Variants in MMD2 observed in about 807,000 individuals in gnomAD.
MMD2 encodes monocyte to macrophage differentiation factor 2.
A neutral mutation model predicts 33.5 loss-of-function variants in MMD2; 30 were observed. The observed-to-expected ratio is 0.90, with a 90% CI of 0.67 to 1.22. MMD2 has a LOEUF of 1.22. Ranked by LOEUF, MMD2 falls within the 50% of genes most tolerant of loss-of-function variation. The pLI, the probability that MMD2 is intolerant of heterozygous loss-of-function variation, is 0.00. For synonymous variants in MMD2, 129 were observed against 123.0 expected, an observed-to-expected ratio of 1.05 and a Z score of -0.32; for missense variants, 364 against 325.4, an observed-to-expected ratio of 1.12 and a Z score of -0.91.
intron 1 of MMD2, among the ~76,000 whole-genome samples, chr7:4,933,597 A>G (rs926286660): frequency 6.6e-6 from 1 of 151,836 alleles, no homozygotes; most frequent in Admixed American, 6.6e-5. Context: ...TTGCATGGAC[A>G]TACCAGAGTT....
At chr7:4,931,000 G>C (rs1019978981) in intron 1 of MMD2, among the ~76,000 whole-genome samples, 2 of 151,954 alleles carry the variant, frequency 1.3e-5, no homozygotes, top group Non-Finnish European at 2.9e-5. Context: ...ACAGGCGCCC[G>C]CCACCAGGCC....
intron 1 of MMD2, among the ~76,000 whole-genome samples, chr7:4,945,246 C>CTTCTTTT (rs1562493963): frequency 4.4e-5 from 1 of 22,892 alleles, no homozygotes; most frequent in Non-Finnish European, 9.5e-5. Context: ...CTTCCTCTCT[C>CTTCTTTT]TCTTTCTTTC....
In MMD2 at chr7:4,940,206, G is replaced by A. The variant is rs980726550; in HGVS notation, c.48-14674C>T. Among the ~76,000 whole-genome samples the A allele has an allele frequency of 6.6e-5, 10 of 152,164 alleles. No individual in the cohort carries two copies. Among genetic ancestry groups the A allele is most frequent in the Admixed American group, 3.9e-4 (6 of 15,262 alleles). The stretch of plus-strand genomic sequence containing the variant: ...GCATCCTGACCTGGGTGCAGGGTCC[G>A]GCACACCCCAGCTCCCCCGGCTCGC... On this transcript the variant is annotated intron_variant, in intron 1 of 6. Coordinates refer to ENST00000401401, the MANE Select transcript of MMD2 (RefSeq NM_198403.4). This position sits in a 1 kb window ranked among gnomAD's most constrained non-coding sequence, Gnocchi z 5.0.
At chr7:4,949,168 C>G (rs543472055) in intron 1 of MMD2, among the ~76,000 whole-genome samples, 1 of 152,274 alleles carries the variant, frequency 6.6e-6, no homozygotes, top group East Asian at 1.9e-4. Context: ...CGAGATCACA[C>G]AGCTGTACTC....
rs1279602030 is a variant in MMD2 at position 4,940,488 on chromosome 7, T to A, written c.48-14956A>T. On this transcript the variant is annotated intron_variant, in intron 1 of 6. Transcript: ENST00000401401. This position sits in a 1 kb window ranked among gnomAD's most constrained non-coding sequence, Gnocchi z 5.0. Reference sequence around the variant, plus strand: ...TGCCCGGGCTCCTACACAAAGGGGGTTCTGTCCGTCTGTCCCACAGAGGCA... The same window carrying A: ...TGCCCGGGCTCCTACACAAAGGGGGATCTGTCCGTCTGTCCCACAGAGGCA... Among the ~76,000 whole-genome samples, 1 of 151,968 alleles carries A rather than the reference T, an allele frequency of 6.6e-6. No homozygotes were observed. Among genetic ancestry groups the A allele is most frequent in the Non-Finnish European group, 1.5e-5 (1 of 67,986 alleles).
intron 1 of MMD2, among the ~76,000 whole-genome samples, chr7:4,952,987 TTTTG>T (rs1266761015): frequency 6.7e-6 from 1 of 149,378 alleles, no homozygotes; most frequent in African/African-American, 2.5e-5. Flanking sequence ...TTTTTTTGTT[TTTTG>T]TTTGTTTTTT....
At chr7:4,941,900 A>C (rs1785922282) in intron 1 of MMD2, among the ~76,000 whole-genome samples, 1 of 151,516 alleles carries the variant, frequency 6.6e-6, no homozygotes, top group Non-Finnish European at 1.5e-5. Flanking sequence ...GCCAAAGGAC[A>C]CTTTAAAGAT....
chr7:4,936,417 G>GC (rs1785743144), intron 1 of MMD2, among the ~76,000 whole-genome samples: 2 of 152,038 alleles, frequency 1.3e-5, no homozygotes, highest in African/African-American at 2.4e-5. Flanking sequence ...AGAAGACTTT[G>GC]CCCCCCTCCC....
Position 4,913,440 on chromosome 7 carries a change from G to A in MMD2, c.366-2194C>T, listed in dbSNP as rs565192513. Among the ~76,000 whole-genome samples, 4 of 152,222 alleles carry A rather than the reference G, an allele frequency of 2.6e-5. No homozygotes were observed. The South Asian group carries it at 8.3e-4, about 32-fold the overall frequency. ...CACAAGAAAACTGGATTTTCTGCCT[G>A]GCGCAGTGTCTCACGCCTGTAATCC... On this transcript the variant is annotated intron_variant, in intron 4 of 6. Coordinates refer to ENST00000401401, the MANE Select transcript of MMD2 (RefSeq NM_198403.4).
chr7:4,920,178 G>C lies in MMD2; in HGVS notation c.283C>G (p.His95Asp). ...VFHTISWKKS[H>D]LRMVEHCLHM... ...CCTCTGGGCGGGAGGCACCTGAGGT[G>C]GCTCTTCTTCCAGGAGATGGTGTGA... Residue 95 changes from histidine to aspartate, a missense_variant, in exon 3 of 7, where the codon CAC becomes GAC. His to Asp is a moderately conservative substitution (Grantham distance 81). Transcript: ENST00000401401. 1 of 1,561,320 alleles carries C rather than the reference G, an allele frequency of 6.4e-7. No homozygotes were observed.
chr7:4,938,829 C>G (rs756835799), intron 1 of MMD2, among the ~76,000 whole-genome samples: 1 of 152,050 alleles, frequency 6.6e-6, no homozygotes, highest in Non-Finnish European at 1.5e-5. Flanking sequence ...TTTTAAAATC[C>G]TATCAAATAA....
rs566306357 is a variant in MMD2, at chr7:4,941,156, G to T, written c.48-15624C>A. On this transcript the variant is annotated intron_variant, in intron 1 of 6. Transcript: ENST00000401401. Reference sequence around the variant, plus strand: ...CTCCTGGGTCGGCCTCTGTGAACATGCCACAGACACCAGCCCTAACCATCA... The same window carrying T: ...CTCCTGGGTCGGCCTCTGTGAACATTCCACAGACACCAGCCCTAACCATCA... 2.0e-5 allele frequency among the ~76,000 whole-genome samples: 3 copies of T among 152,274 alleles called. No individual in the cohort carries two copies. In the South Asian group the frequency reaches 6.2e-4, roughly 32 times the overall value.
In MMD2 at chr7:4,958,898, A is replaced by T. The variant is rs887869319; in HGVS notation, c.47+73T>A. 1.2e-5 allele frequency: 15 copies of T among 1,229,650 alleles called. No homozygotes were observed. In the African/African-American group the frequency reaches 2.4e-4, roughly 19 times the overall value. 76.2% of individuals were successfully genotyped at this position (1,229,650 alleles called of 1,614,324 possible). On this transcript the variant is annotated intron_variant, in intron 1 of 6. Transcript: ENST00000401401. Reference sequence around the variant, plus strand: ...TCCGGGCGGCGGGGCCCGAGAACCAAGGTGGCCTCCGCGGCCCCCGCCGCC... The same window carrying T: ...TCCGGGCGGCGGGGCCCGAGAACCATGGTGGCCTCCGCGGCCCCCGCCGCC...
At chr7:4,915,601 G>T (rs901070516) in intron 4 of MMD2, among the ~76,000 whole-genome samples, 1 of 151,678 alleles carries the variant, frequency 6.6e-6, no homozygotes, top group Non-Finnish European at 1.5e-5. Context: ...TTAGCTGGGC[G>T]TGGTGGCGCG....
At chr7:4,912,851 G>A (rs1157586299) in intron 4 of MMD2, among the ~76,000 whole-genome samples, 2 of 151,878 alleles carry the variant, frequency 1.3e-5, no homozygotes, top group African/African-American at 2.4e-5. Flanking sequence ...GATTACAGGC[G>A]TACCACCATG....
intron 1 of MMD2, among the ~76,000 whole-genome samples, chr7:4,948,882 G>A (rs971860996): frequency 6.6e-5 from 10 of 151,940 alleles, no homozygotes; most frequent in South Asian, 2.1e-4. Flanking sequence ...GCACAGTCAC[G>A]GCTCACACAG....
At chr7:4,926,114 C>T (rs6955307) in intron 1 of MMD2, among the ~76,000 whole-genome samples, 79,384 of 149,822 alleles carry the variant, frequency 0.53, 21,627 homozygotes, top group African/African-American at 0.68. Context: ...CTTTTTTTTT[C>T]TTACACGGGG....
At chr7:4,930,084 A>G (rs1785535427) in intron 1 of MMD2, among the ~76,000 whole-genome samples, 1 of 150,998 alleles carries the variant, frequency 6.6e-6, no homozygotes, top group South Asian at 2.1e-4. Context: ...CCTGGCTAAC[A>G]CAGTGAAACC....
At chr7:4,919,865 C>A (rs1785230470) in intron 3 of MMD2, among the ~76,000 whole-genome samples, 1 of 152,204 alleles carries the variant, frequency 6.6e-6, no homozygotes, top group Admixed American at 6.5e-5. Flanking sequence ...CACTGCACTC[C>A]TGCCTGGGCT....
Sources: gnomAD v4.1 joint callset for allele counts (sites outside exome capture counted in the v4.1 genomes callset) on GRCh38, gnomAD v4.1.1 for gene constraint, Gnocchi (gnomAD v3.1) non-coding constraint, MANE v1.5 for transcripts, NCBI Gene and HGNC (gene_info 2026-07-23, HGNC 2026-07-21) for gene names.